The following NPFFR2 variants were observed in gnomAD, a reference collection of about 807,000 sequenced individuals.
The protein encoded by NPFFR2 is neuropeptide FF receptor 2, also known as G-protein coupled receptor 74.
A neutral mutation model predicts 13.1 loss-of-function variants in NPFFR2; 15 were observed. The ratio of observed to expected loss-of-function variants is 1.15; its 90% CI spans 0.77 to 1.76. NPFFR2 has a LOEUF of 1.76. NPFFR2 is among the 40% of genes most tolerant of loss of function. NPFFR2 has a pLI of 0.00. For missense variants in NPFFR2, 572 were observed against 503.5 expected (o/e 1.14, Z -1.30); for synonymous variants, 190 against 175.7 (o/e 1.08, Z -0.65).
At chr4:72,119,316 T>G (rs1721801258) in intron 1 of NPFFR2, among the ~76,000 whole-genome samples, 1 of 152,202 alleles carries the variant, frequency 6.6e-6, no homozygotes, top group South Asian at 2.1e-4. Flanking sequence ...GTCTCATATA[T>G]GTACTAACAC....
At chr4:72,067,212 G>A (rs1296080267) in intron 1 of NPFFR2, among the ~76,000 whole-genome samples, 1 of 152,182 alleles carries the variant, frequency 6.6e-6, no homozygotes, top group Non-Finnish European at 1.5e-5. Context: ...ATCATGCCTT[G>A]CAGAGCAGTG....
chr4:72,087,927 GGC>G (rs1274052323), intron 1 of NPFFR2, among the ~76,000 whole-genome samples: 1 of 151,888 alleles, frequency 6.6e-6, no homozygotes, highest in African/African-American at 2.4e-5. Flanking sequence ...GCATTTTTCT[GGC>G]ATCATCCCCC....
At chr4:72,109,323 C>G (rs141898471) in intron 1 of NPFFR2, among the ~76,000 whole-genome samples, 186 of 152,108 alleles carry the variant, frequency 1.2e-3, no homozygotes, top group African/African-American at 4.3e-3. Context: ...TGGTAACCAC[C>G]ATTCTATTTT....
At chr4:72,077,962 GTGTGTAGTGGT>G (rs1447553741) in intron 1 of NPFFR2, among the ~76,000 whole-genome samples, 2 of 152,092 alleles carry the variant, frequency 1.3e-5, no homozygotes, top group African/African-American at 4.8e-5. Flanking sequence ...TTGTGTGCAT[GTGTGTAGTGGT>G]TGTGTGGTGG....
chr4:72,072,134 A>G (rs1720275266), intron 1 of NPFFR2, among the ~76,000 whole-genome samples: 5 of 152,118 alleles, frequency 3.3e-5, no homozygotes, highest in Admixed American at 2.0e-4. Flanking sequence ...TTGCTGTACC[A>G]TTAGATTAAC....
intron 1 of NPFFR2, among the ~76,000 whole-genome samples, chr4:72,047,896 A>C (rs1178612149): frequency 6.6e-6 from 1 of 152,136 alleles, no homozygotes; most frequent in Admixed American, 6.6e-5. Context: ...TCAAAATATC[A>C]GCTTTATTTC....
chr4:72,092,291 A>G (rs1339889560), intron 1 of NPFFR2, among the ~76,000 whole-genome samples: 1 of 152,042 alleles, frequency 6.6e-6, no homozygotes, highest in Admixed American at 6.6e-5. Context: ...CCATTTGCTG[A>G]TGAATAGAAT....
At chr4:72,144,605 C>T (rs1248589537) in intron 3 of NPFFR2, among the ~76,000 whole-genome samples, 1 of 152,100 alleles carries the variant, frequency 6.6e-6, no homozygotes, top group Non-Finnish European at 1.5e-5. Context: ...AAAGCACCTA[C>T]TGTACAACTT....
chr4:72,099,886 C>T (rs1349829108), intron 1 of NPFFR2, among the ~76,000 whole-genome samples: 1 of 152,046 alleles, frequency 6.6e-6, no homozygotes, highest in African/African-American at 2.4e-5. Flanking sequence ...CACACAGAAA[C>T]ACACAAGGGG....
At chr4:72,126,687 A>T (rs1290837902) in intron 1 of NPFFR2, among the ~76,000 whole-genome samples, 1 of 152,166 alleles carries the variant, frequency 6.6e-6, no homozygotes, top group Admixed American at 6.5e-5. Context: ...TAGGAAGAAG[A>T]TCCCCACTTG....
At chr4:72,078,084 G>C (rs1048463088) in intron 1 of NPFFR2, among the ~76,000 whole-genome samples, 1 of 151,952 alleles carries the variant, frequency 6.6e-6, no homozygotes, top group Admixed American at 6.6e-5. Context: ...TCTATAATTG[G>C]TGTGCTATTT....
At chr4:72,043,005 A>T (rs1197418634) in intron 1 of NPFFR2, among the ~76,000 whole-genome samples, 1 of 152,190 alleles carries the variant, frequency 6.6e-6, no homozygotes, top group Non-Finnish European at 1.5e-5. Context: ...ATGGTTTCTT[A>T]GGCCAAGTCC....
intron 1 of NPFFR2, among the ~76,000 whole-genome samples, chr4:72,061,852 G>T (rs894161723): frequency 1.3e-5 from 2 of 152,078 alleles, no homozygotes; most frequent in Admixed American, 6.6e-5. Context: ...TTAACACCTA[G>T]ATAATGGGTT....
chr4:72,085,194 A>T (rs933474889), intron 1 of NPFFR2, among the ~76,000 whole-genome samples: 2 of 152,154 alleles, frequency 1.3e-5, no homozygotes, highest in African/African-American at 4.8e-5. Context: ...TTCAGCCCAT[A>T]TTAGTTTTTT....
At chr4:72,139,897 T>C (rs957341543) in intron 3 of NPFFR2, among the ~76,000 whole-genome samples, 6 of 152,220 alleles carry the variant, frequency 3.9e-5, no homozygotes, top group African/African-American at 7.2e-5. Flanking sequence ...TGAGCATGAA[T>C]GTTCTTCCGT....
intron 1 of NPFFR2, among the ~76,000 whole-genome samples, chr4:72,101,789 T>C (rs145810176): frequency 6.6e-6 from 1 of 152,176 alleles, no homozygotes; most frequent in African/African-American, 2.4e-5. Flanking sequence ...GAACAGAGTG[T>C]TGCCTTTGAG....
chr4:72,071,373 T>G (rs1423592339), intron 1 of NPFFR2, among the ~76,000 whole-genome samples: 1 of 152,130 alleles, frequency 6.6e-6, no homozygotes, highest in Non-Finnish European at 1.5e-5. Flanking sequence ...AGATTTTGTT[T>G]TTGTGAGGAG....
chr4:72,057,186 AATC>A (rs142309424), intron 1 of NPFFR2, among the ~76,000 whole-genome samples: 1,201 of 6,164 alleles, frequency 0.19, 7 homozygotes, highest in Middle Eastern at 0.5. Flanking sequence ...ACCACTTGGC[AATC>A]ATCATCATCA....
At chr4:72,075,619 C>A (rs1420849326) in intron 1 of NPFFR2, among the ~76,000 whole-genome samples, 1 of 151,988 alleles carries the variant, frequency 6.6e-6, no homozygotes, top group Non-Finnish European at 1.5e-5. Context: ...TACCCAATAA[C>A]AATAGGATAC....
Sources: allele counts gnomAD v4.1 joint callset (sites outside exome capture counted in the v4.1 genomes callset), GRCh38; gene constraint gnomAD v4.1.1; transcripts MANE v1.5; gene names NCBI Gene and HGNC (gene_info 2026-07-23, HGNC 2026-07-21).